The following KIF3B variants were observed in gnomAD, a reference collection of about 807,000 sequenced individuals.
KIF3B encodes the protein kinesin-like protein KIF3B.
KIF3B carries 38 observed loss-of-function variants against 74.3 expected under a neutral mutation model. The observed-to-expected ratio is 0.51, with a 90% CI of 0.39 to 0.67. The LOEUF is 0.67. KIF3B is among the 30% of genes least tolerant of loss of function. The pLI is 0.00. For missense variants in KIF3B, 649 were observed against 932.0 expected, an observed-to-expected ratio of 0.70 and a Z score of 3.95; for synonymous variants, 326 against 342.5, an observed-to-expected ratio of 0.95 and a Z score of 0.53.
chr20:32,311,454 CTTTGGGAGG>C (rs2047800491), intron 2 of KIF3B, among the ~76,000 whole-genome samples: 6 of 10 alleles, frequency 0.6, 3 homozygotes, highest in Non-Finnish European at 1. Context: ...AATCCCAGCA[CTTTGGGAGG>C]CCGAGGCGGG....
chr20:32,284,448 T>C (rs2047658327), intron 1 of KIF3B, among the ~76,000 whole-genome samples: 1 of 152,128 alleles, frequency 6.6e-6, no homozygotes, highest in Non-Finnish European at 1.5e-5. Context: ...CTGCTCAAAG[T>C]GTGTTCTCTG....
At chr20:32,324,193 A>G (rs2047891779) in intron 5 of KIF3B, among the ~76,000 whole-genome samples, 1 of 152,106 alleles carries the variant, frequency 6.6e-6, no homozygotes, top group Non-Finnish European at 1.5e-5. Flanking sequence ...TTGTATCTCT[A>G]TCCCCTTTAT....
In KIF3B at chr20:32,330,259, A is replaced by G; in HGVS notation, c.2087A>G (p.Asp696Gly). The change falls in exon 8 of 9, where the codon GAT becomes GGT. Residue 696 changes from aspartate (D) to glycine (G), a missense_variant. Transcript: ENST00000375712. Reference sequence around the variant, plus strand: ...TTGGATGCGGCTCTGCAGGATGAAGATGAGATACAGGTGGATGCATCATCA... The same window carrying G: ...TTGGATGCGGCTCTGCAGGATGAAGGTGAGATACAGGTGGATGCATCATCA... Reference protein sequence around the residue: ...AALDAALQDEDEIQVDASSFE... With the variant: ...AALDAALQDEGEIQVDASSFE... 6.2e-7 allele frequency: 1 copy of G among 1,614,174 alleles called. No homozygotes were observed. Among genetic ancestry groups the G allele is most frequent in the Non-Finnish European group, 8.5e-7 (1 of 1,180,028 alleles).
intron 3 of KIF3B, 84 bp downstream of exon 3, chr20:32,316,403 T>A (rs2047827787): frequency 1.3e-6 from 2 of 1,541,712 alleles, no homozygotes; most frequent in Admixed American, 3.5e-5. Context: ...TTAGACTCTC[T>A]TCAAAGAGAA....
intron 8 of KIF3B, 54 bp downstream of exon 8, chr20:32,330,373 AC>A (rs1316750823): frequency 1.3e-6 from 2 of 1,516,104 alleles, no homozygotes; most frequent in African/African-American, 2.8e-5. Flanking sequence ...ACAAGGACAA[AC>A]CAAAGCAAGA....
rs780367315 is a variant in KIF3B, at chr20:32,310,817, A to G, written c.1040A>G (p.Asn347Ser). Reference sequence around the variant, plus strand: ...AACATTAAGAACAAACCAAGGGTCAATGAGGACCCCAAGGATGCCCTCCTT... The same window carrying G: ...AACATTAAGAACAAACCAAGGGTCAGTGAGGACCCCAAGGATGCCCTCCTT... Reference protein sequence around the residue: ...AKNIKNKPRVNEDPKDALLRE... With the variant: ...AKNIKNKPRVSEDPKDALLRE... Residue 347 changes from asparagine (N) to serine (S), a missense_variant, in exon 2 of 9, where the codon AAT becomes AGT. By Grantham distance (46) the Asn-to-Ser change is conservative. Around this residue, in one of 4 missense-constraint regions of KIF3B, gnomAD observed 363 missense variants for 592.8 expected, o/e 0.61. Transcript: ENST00000375712. The surrounding 1 kb of genome is among the most constrained non-coding windows in gnomAD (Gnocchi z 6.5). 14 of 1,614,162 alleles carry G rather than the reference A, an allele frequency of 8.7e-6. No individual in the cohort carries two copies. The highest frequency in any genetic ancestry group is 3.3e-5 in the Admixed American group (2 of 60,014).
chr20:32,293,369 CGGAA>C (rs1205903422), intron 1 of KIF3B, among the ~76,000 whole-genome samples: 4 of 151,354 alleles, frequency 2.6e-5, no homozygotes, highest in Admixed American at 2.0e-4. Context: ...GGCTGAGAGA[CGGAA>C]GGATCACTTG....
At chr20:32,307,692 G>C (rs954340945) in intron 1 of KIF3B, among the ~76,000 whole-genome samples, 1 of 151,944 alleles carries the variant, frequency 6.6e-6, no homozygotes, top group Non-Finnish European at 1.5e-5. Context: ...GTTTTTTTGG[G>C]AGGCCGAGGT....
At chr20:32,322,680 T>TTA (rs1321650522) in intron 5 of KIF3B, among the ~76,000 whole-genome samples, 2 of 30,636 alleles carry the variant, frequency 6.5e-5, no homozygotes, top group African/African-American at 3.2e-4. Context: ...ATTTATATAT[T>TTA]TATATATATT....
chr20:32,322,642 A>ATATTTTTTTTTATATATTTATATATATT (rs2047867081), intron 5 of KIF3B, among the ~76,000 whole-genome samples: 1 of 72,938 alleles, frequency 1.4e-5, no homozygotes, highest in Admixed American at 2.2e-4. Context: ...ATATATTTAT[A>ATATTTTTTTTTATATATTTATATATATT]TATATATTTT....
At chr20:32,324,012 G>T (rs6058643) in intron 5 of KIF3B, among the ~76,000 whole-genome samples, 4,670 of 152,092 alleles carry the variant, frequency 0.031, 261 homozygotes, top group African/African-American at 0.11. Context: ...GGGAAGCTGA[G>T]GCAGGAGGAT....
At position 32,309,944 on chromosome 20, in the gene KIF3B, C is replaced by A. The variant is rs2047791238; in HGVS notation, c.167C>A (p.Thr56Asn). The change falls in exon 2 of 9, where the codon ACC becomes AAC. Residue 56 changes from threonine to asparagine, a missense_variant. This residue lies in a region of KIF3B where 96 missense variants were observed against 119.0 expected (regional missense o/e 0.81). Coordinates refer to ENST00000375712, the MANE Select transcript of KIF3B (RefSeq NM_004798.4). ...GGGACGGCCCATGAAATGCCCAAGACCTTCACCTTTGATGCCGTCTATGAC... is the reference window on the plus strand; with the variant it reads ...GGGACGGCCCATGAAATGCCCAAGAACTTCACCTTTGATGCCGTCTATGAC... ...PKGTAHEMPK[T>N]FTFDAVYDWN... 1.2e-6 allele frequency: 2 copies of A among 1,614,030 alleles called. No individual in the cohort carries two copies. Among genetic ancestry groups the A allele is most frequent in the African/African-American group, 2.7e-5 (2 of 74,896 alleles).
rs1271649226 is a variant in KIF3B, at chr20:32,331,215, T to C, written c.2148-8T>C. On this transcript the variant is annotated splice_region_variant and splice_polypyrimidine_tract_variant and intron_variant, in intron 8 of 8. Transcript: ENST00000375712. ...CATGTAATATAAACATGTGTTTGAC[T>C]TTTGCAGGCCTAAAAGTGGAAGGAA... is the stretch of plus-strand genomic sequence containing the variant. The C allele has an allele frequency of 6.2e-7, 1 of 1,610,704 alleles. No homozygotes were observed. The highest frequency in any genetic ancestry group is 2.2e-5 in the East Asian group (1 of 44,854).
Position 32,327,619 on chromosome 20 carries a change from C to G in KIF3B, c.1926C>G (p.His642Gln), listed in dbSNP as rs376192275. 1.2e-6 allele frequency: 2 copies of G among 1,613,368 alleles called. No individual in the cohort carries two copies. The highest frequency in any genetic ancestry group is 1.7e-6 in the Non-Finnish European group (2 of 1,179,720). ...AVGYKRPLSQHARMSMMIRPE... is the reference protein window; with the variant it reads ...AVGYKRPLSQQARMSMMIRPE... The stretch of plus-strand genomic sequence containing the variant: ...GATATAAGAGACCATTGAGCCAGCA[C>G]GCAAGAATGTCCATGATGATTCGTC... Residue 642 changes from histidine to glutamine, a missense_variant, in exon 7 of 9, where the codon CAC (histidine) becomes CAG (glutamine). Physicochemically the swap from His to Gln is conservative, Grantham distance 24. Around this residue, in one of 4 missense-constraint regions of KIF3B, gnomAD observed 186 missense variants for 198.5 expected, o/e 0.94. Transcript: ENST00000375712.
Position 32,311,134 on chromosome 20 carries a change from C to G in KIF3B, c.1357C>G (p.Leu453Val), listed in dbSNP as rs6119818. Residue 453 changes from leucine to valine, a missense_variant, in exon 2 of 9, where the codon CTG becomes GTG. Leu to Val is a conservative substitution (Grantham distance 32, BLOSUM62 1). This residue lies in a region of KIF3B where 363 missense variants were observed against 592.8 expected (regional missense o/e 0.61). Transcript: ENST00000375712. ...GGAGAAAGAGAAAAAGATGGAGGAC[C>G]TGCGGCGGGAGAAGGATGCTGCCGA... ...LKEKEKKMEDLRREKDAAEML... is the reference protein window; with the variant it reads ...LKEKEKKMEDVRREKDAAEML... 6.2e-7 allele frequency: 1 copy of G among 1,612,768 alleles called. No homozygotes were observed.
At chr20:32,322,642 A>ATATATTTTTTTATATATTTATATATATT (rs1569207371) in intron 5 of KIF3B, among the ~76,000 whole-genome samples, 1,085 of 72,852 alleles carry the variant, frequency 0.015, 193 homozygotes, top group East Asian at 0.039. Context: ...ATATATTTAT[A>ATATATTTTTTTATATATTTATATATATT]TATATATTTT....
Position 32,309,824 on chromosome 20 carries a change from G to A in KIF3B, c.47G>A (p.Cys16Tyr). 6.2e-7 allele frequency: 1 copy of A among 1,614,126 alleles called. No individual in the cohort carries two copies. The highest frequency in any genetic ancestry group is 8.5e-7 in the Non-Finnish European group (1 of 1,180,020). ...GAGTCAGTCAGGGTGGTGGTTCGCT[G>A]TCGGCCCATGAATGGCAAGGAAAAG... ...SSESVRVVVR[C>Y]RPMNGKEKAA... The change falls in exon 2 of 9, where the codon TGT becomes TAT. Residue 16 changes from cysteine to tyrosine, a missense_variant. By Grantham distance (194) the Cys-to-Tyr change is radical. This residue lies in a region of KIF3B where 96 missense variants were observed against 119.0 expected (regional missense o/e 0.81). Transcript: ENST00000375712.
At chr20:32,293,115 G>A (rs574300052) in intron 1 of KIF3B, among the ~76,000 whole-genome samples, 2 of 152,204 alleles carry the variant, frequency 1.3e-5, no homozygotes, top group African/African-American at 4.8e-5. Context: ...TTAGTTGGAT[G>A]TGGTGGGGTG....
At chr20:32,315,676 G>C (rs1465016254) in intron 2 of KIF3B, among the ~76,000 whole-genome samples, 1 of 152,116 alleles carries the variant, frequency 6.6e-6, no homozygotes, top group Non-Finnish European at 1.5e-5. Flanking sequence ...TCGTGCCACC[G>C]CATTCCAGCT....
Sources: allele counts gnomAD v4.1 joint callset (sites outside exome capture counted in the v4.1 genomes callset), GRCh38; gene constraint gnomAD v4.1.1; regional missense constraint gnomAD v4.1.1; non-coding constraint Gnocchi (gnomAD v3.1); transcripts MANE v1.5; gene names NCBI Gene and HGNC (gene_info 2026-07-23, HGNC 2026-07-21).